The following ESRRB variants were observed in gnomAD, a reference collection of about 807,000 sequenced individuals.
The protein encoded by ESRRB is estrogen related receptor beta.
ESRRB carries 16 observed loss-of-function variants against 46.0 expected under a neutral mutation model. The observed-to-expected ratio is 0.35, with a 90% CI of 0.24 to 0.53. The LOEUF is 0.53. Ranked by LOEUF, ESRRB falls within the 20% of genes least tolerant of loss-of-function variation. The pLI is 0.93. For missense variants in ESRRB, 488 were observed against 607.4 expected (o/e 0.80, Z 2.07); for synonymous variants, 246 against 259.6 (o/e 0.95, Z 0.50).
rs1566859622 is a variant in ESRRB at position 76,358,329 on chromosome 14, AAGAAAGAAAGAAAGAAAG to A, written c.2+47415_2+47432del. 6.2e-3 allele frequency among the ~76,000 whole-genome samples: 88 copies of A among 14,106 alleles called. 14 individuals are homozygous for A. Among genetic ancestry groups the A allele is most frequent in the Non-Finnish European group, 4.9e-3 (42 of 8,622 alleles). The allele number at this position is 14,106 out of a possible 152,430, so 9.3% of individuals were successfully genotyped here. A position where few individuals can be genotyped will look rare whatever the true frequency, so the allele number is the denominator to read the frequency against. ...TCTGTCTCAAAAAAAAAAAAAAAGA[AAGAAAGAAAGAAAGAAAG>A]AAAGAAAGAAAGAAAGAAAGAAAGA... On this transcript the variant is annotated intron_variant, in intron 1 of 6. Transcript: ENST00000512784.
At chr14:76,313,390 AACCATTCCATCCTTGTC>A (rs1425713981) in intron 1 of ESRRB, among the ~76,000 whole-genome samples, 1 of 152,082 alleles carries the variant, frequency 6.6e-6, no homozygotes, top group African/African-American at 2.4e-5. Flanking sequence ...TGCAAAATCT[AACCATTCCATCCTTGTC>A]ATTGTTTATT....
chr14:76,367,658 T>C (rs949941853), upstream of ESRRB, among the ~76,000 whole-genome samples: 1 of 152,056 alleles, frequency 6.6e-6, no homozygotes, highest in Non-Finnish European at 1.5e-5. Flanking sequence ...TGCCATCATC[T>C]GGCTTCTCAG....
chr14:76,500,025 G>A lies in ESRRB; in HGVS notation c.*1567G>A. The A allele has an allele frequency of 6.4e-7, 1 of 1,558,926 alleles. No homozygotes were observed. The highest frequency in any genetic ancestry group is 8.7e-7 in the Non-Finnish European group (1 of 1,150,644). On this transcript the variant is annotated 3_prime_UTR_variant, in exon 7 of 7. Coordinates refer to ENST00000644823, the MANE Select transcript of ESRRB (RefSeq NM_001379180.1). The stretch of plus-strand genomic sequence containing the variant: ...TAGTCCAACCCCCCTCAATGAGAGA[G>A]GCAGGCAGATCTCACCCAGCACTAG...
chr14:76,375,583 A>G (rs1265975781), upstream of ESRRB, among the ~76,000 whole-genome samples: 1 of 152,152 alleles, frequency 6.6e-6, no homozygotes, highest in Admixed American at 6.5e-5. Context: ...TGCAGAACTG[A>G]CTGGCCCAGG....
chr14:76,424,092 G>A (rs1278778901), intron 1 of ESRRB, among the ~76,000 whole-genome samples: 1 of 152,108 alleles, frequency 6.6e-6, no homozygotes, highest in Non-Finnish European at 1.5e-5. Context: ...AGCGCCTCTG[G>A]GCCTCAGTTT....
At chr14:76,469,543 A>C (rs1004363332) in intron 3 of ESRRB, among the ~76,000 whole-genome samples, 1 of 152,380 alleles carries the variant, frequency 6.6e-6, no homozygotes, top group South Asian at 2.1e-4. Flanking sequence ...TAACTTTTAA[A>C]AAATGTTAAA....
chr14:76,479,548 GT>G (rs1889724146), intron 3 of ESRRB, among the ~76,000 whole-genome samples: 1 of 152,174 alleles, frequency 6.6e-6, no homozygotes, highest in Non-Finnish European at 1.5e-5. Context: ...CTATCAGGAG[GT>G]TCAAAGAGTA....
At chr14:76,399,727 G>A (rs749679370) in intron 1 of ESRRB, among the ~76,000 whole-genome samples, 1 of 152,176 alleles carries the variant, frequency 6.6e-6, no homozygotes, top group African/African-American at 2.4e-5. Flanking sequence ...ATGCTTTGAC[G>A]AAAGCCAGCA....
intron 2 of ESRRB, among the ~76,000 whole-genome samples, chr14:76,459,981 C>T (rs917942752): frequency 6.6e-6 from 1 of 152,010 alleles, no homozygotes; most frequent in Non-Finnish European, 1.5e-5. Context: ...TGAGGTGCTC[C>T]GGAAATAGTT....
intron 6 of ESRRB, among the ~76,000 whole-genome samples, chr14:76,493,555 A>G (rs1890308963): frequency 6.6e-6 from 1 of 152,232 alleles, no homozygotes; most frequent in Admixed American, 6.5e-5. Flanking sequence ...TATTATCATT[A>G]CTATTAATGA....
intron 2 of ESRRB, among the ~76,000 whole-genome samples, chr14:76,440,544 C>A (rs1306231935): frequency 6.7e-6 from 1 of 148,866 alleles, no homozygotes; most frequent in Non-Finnish European, 1.5e-5. Context: ...ATTTTTAAGA[C>A]CGACCTTCCT....
At chr14:76,454,575 A>C (rs1448805209) in intron 2 of ESRRB, among the ~76,000 whole-genome samples, 2 of 152,130 alleles carry the variant, frequency 1.3e-5, no homozygotes, top group East Asian at 3.9e-4. Flanking sequence ...TTTCAGGTAG[A>C]GGGAGGTATG....
Position 76,439,701 on chromosome 14 carries a change from C to T in ESRRB, c.411C>T (p.Gly137=), listed in dbSNP as rs1213173060. Residue 137 remains glycine (G), a synonymous_variant, in exon 2 of 7, where the codon GGC becomes GGT. Coordinates refer to ENST00000644823, the MANE Select transcript of ESRRB (RefSeq NM_001379180.1). ...ACATTGCCTCTGGCTACCACTACGG[C>T]GTGGCCTCCTGCGAGGCTTGCAAGG... ...CGDIASGYHY[G]VASCEACKAF... 2 of 1,614,180 alleles carry T rather than the reference C, an allele frequency of 1.2e-6. No individual in the cohort carries two copies. The highest frequency in any genetic ancestry group is 2.2e-5 in the East Asian group (1 of 44,882).
At chr14:76,324,823 T>C (rs2360994) in intron 1 of ESRRB, among the ~76,000 whole-genome samples, 32,948 of 151,978 alleles carry the variant, frequency 0.22, 4,101 homozygotes, top group East Asian at 0.37. Context: ...CCAGGTCCTT[T>C]TGATGGAATT....
rs34971102 is a variant in ESRRB at position 76,347,414 on chromosome 14, A to AGTGTGTGTGT, written c.2+36509_2+36518dup. ...AAATGGGGACAGTATTTGCTCATGA[A>AGTGTGTGTGT]GTGTGTGTGTGTGTGTGTGTCACAC... On this transcript the variant is annotated intron_variant, in intron 1 of 6. Transcript: ENST00000512784. Among the ~76,000 whole-genome samples, 117 of 96,222 alleles carry AGTGTGTGTGT rather than the reference A, an allele frequency of 1.2e-3. 26 individuals carry two copies. Among genetic ancestry groups the AGTGTGTGTGT allele is most frequent in the African/African-American group, 4.1e-3 (114 of 28,042 alleles). 63.1% of individuals were successfully genotyped at this position (96,222 alleles called of 152,430 possible).
intron 1 of ESRRB, among the ~76,000 whole-genome samples, chr14:76,437,628 T>C (rs1887730161): frequency 6.6e-6 from 1 of 152,064 alleles, no homozygotes; most frequent in South Asian, 2.1e-4. Flanking sequence ...TCTACCTCCA[T>C]AGGGGGAGGC....
rs1178018542 is a variant in ESRRB at position 76,469,944 on chromosome 14, C to CTTTTTT, written c.577+7299_577+7304dup. 1.5e-3 allele frequency among the ~76,000 whole-genome samples: 108 copies of CTTTTTT among 73,068 alleles called. 1 individual carries two copies. Among genetic ancestry groups the CTTTTTT allele is most frequent in the Non-Finnish European group, 1.9e-3 (68 of 36,284 alleles). 47.9% of individuals were successfully genotyped at this position (73,068 alleles called of 152,430 possible). On this transcript the variant is annotated intron_variant, in intron 3 of 6. Transcript: ENST00000644823. The stretch of plus-strand genomic sequence containing the variant: ...GTTTTTTGTTGTTTTTTTTTTTTTT[C>CTTTTTT]TTTTTTTTTTTTTTTTTTTTTGAGA...
At chr14:76,368,949 C>T (rs539211294), upstream of ESRRB, among the ~76,000 whole-genome samples, 75 of 152,280 alleles carry the variant, frequency 4.9e-4, no homozygotes, top group African/African-American at 1.8e-3. Flanking sequence ...GTAATCCCAG[C>T]ACTCTGGGAG....
chr14:76,392,664 C>T (rs577632992), intron 1 of ESRRB, among the ~76,000 whole-genome samples: 2 of 152,332 alleles, frequency 1.3e-5, no homozygotes, highest in African/African-American at 2.4e-5. Context: ...ACTCAGCTGA[C>T]CCTGGGCTCA....
Sources: allele counts gnomAD v4.1 joint callset (sites outside exome capture counted in the v4.1 genomes callset), GRCh38; gene constraint gnomAD v4.1.1; transcripts MANE v1.5; gene names NCBI Gene and HGNC (gene_info 2026-07-23, HGNC 2026-07-21).